The following SPAG16 variants were observed in gnomAD, a reference collection of about 807,000 sequenced individuals.
SPAG16 encodes the protein sperm-associated antigen 16 protein.
In SPAG16, 86 loss-of-function variants were observed where a neutral mutation model predicts 80.4. The observed-to-expected ratio is 1.07, with a 90% CI of 0.90 to 1.28. The LOEUF is 1.28. SPAG16 is among the 50% of genes most tolerant of loss of function. SPAG16 has a pLI of 0.00. For synonymous variants in SPAG16, 294 were observed against 265.9 expected (o/e 1.11, Z -1.03); for missense variants, 870 against 765.3 (o/e 1.14, Z -1.61).
rs149304975 is a variant in SPAG16 at position 213,324,398 on chromosome 2, T to C, written c.536+7042T>C. Among the ~76,000 whole-genome samples the C allele has an allele frequency of 7.1e-3, 1,087 of 152,290 alleles. 14 individuals carry two copies. Among genetic ancestry groups the C allele is most frequent in the South Asian group, 0.031 (151 of 4,828 alleles). The stretch of plus-strand genomic sequence containing the variant: ...TCTCAAGGTAGAACATTTTTATCTA[T>C]CCAGAAGTTTTCCTCATGTCCCTTC... On this transcript the variant is annotated intron_variant, in intron 5 of 15. Coordinates refer to ENST00000331683, the MANE Select transcript of SPAG16 (RefSeq NM_024532.5).
chr2:214,352,707 T>G lies in SPAG16; in HGVS notation c.1721-57433T>G, dbSNP rs545622506. Among the ~76,000 whole-genome samples, 3 of 152,300 alleles carry G rather than the reference T, an allele frequency of 2.0e-5. No individual in the cohort carries two copies. The East Asian group carries it at 5.8e-4, about 29-fold the overall frequency. Reference sequence around the variant, plus strand: ...CATTTAAAGTATACATAAAAAATTCTGGTAAATCTATGTGCTTTGGTCATT... The same window carrying G: ...CATTTAAAGTATACATAAAAAATTCGGGTAAATCTATGTGCTTTGGTCATT... On this transcript the variant is annotated intron_variant, in intron 15 of 15. Transcript: ENST00000331683.
chr2:213,848,869 G>A (rs746511917), intron 10 of SPAG16, among the ~76,000 whole-genome samples: 4 of 152,064 alleles, frequency 2.6e-5, no homozygotes, highest in African/African-American at 7.2e-5. Flanking sequence ...GGCCTATGAC[G>A]CAACTGAAAT....
At chr2:214,346,004 T>C (rs1698023603) in intron 15 of SPAG16, among the ~76,000 whole-genome samples, 1 of 152,234 alleles carries the variant, frequency 6.6e-6, no homozygotes, top group Non-Finnish European at 1.5e-5. Context: ...TTACAAATAA[T>C]GCTGTTGTGA....
In SPAG16 at chr2:214,024,460, A is replaced by G. The variant is rs13393685; in HGVS notation, c.1527+10383A>G. ...CTTAATAATATCTGTAGTGAACACA[A>G]AATAGTTTAAATGATATCTAAAATG... On this transcript the variant is annotated intron_variant, in intron 13 of 15. Transcript: ENST00000331683. Among the ~76,000 whole-genome samples the G allele has an allele frequency of 9.1e-3, 1,386 of 151,762 alleles. 19 individuals carry two copies. The highest frequency in any genetic ancestry group is 0.032 in the African/African-American group (1,328 of 41,516).
At chr2:213,972,167 T>C (rs1486414848) in intron 12 of SPAG16, among the ~76,000 whole-genome samples, 1 of 151,790 alleles carries the variant, frequency 6.6e-6, no homozygotes, top group African/African-American at 2.4e-5. Flanking sequence ...GTTGAGCTAC[T>C]TTTCATATGC....
intron 12 of SPAG16, among the ~76,000 whole-genome samples, chr2:213,949,179 T>TTTTTTTTTTTTTTTTTTTTG (rs1553677674): frequency 2.8e-5 from 1 of 36,242 alleles, no homozygotes; most frequent in Non-Finnish European, 5.5e-5. Context: ...GTTTTTTTTT[T>TTTTTTTTTTTTTTTTTTTTG]TTTTTTTTTT....
At chr2:214,137,871 T>C (rs1248749038) in intron 14 of SPAG16, among the ~76,000 whole-genome samples, 2 of 152,158 alleles carry the variant, frequency 1.3e-5, no homozygotes, top group Non-Finnish European at 1.5e-5. Flanking sequence ...TCTGATTGTA[T>C]TGCAGTTTTA....
At chr2:214,396,507 C>A (rs1467049608) in intron 15 of SPAG16, among the ~76,000 whole-genome samples, 1 of 151,990 alleles carries the variant, frequency 6.6e-6, no homozygotes, top group Non-Finnish European at 1.5e-5. Context: ...ATTTTCCAAG[C>A]ATACATAAAA....
chr2:213,783,143 CTG>C (rs1454010925), intron 10 of SPAG16, among the ~76,000 whole-genome samples: 1 of 144,172 alleles, frequency 6.9e-6, no homozygotes, highest in East Asian at 2.1e-4. Context: ...TGAGAATATG[CTG>C]TGTTTGGTTT....
chr2:214,397,955 T>C (rs1701492326), intron 15 of SPAG16, among the ~76,000 whole-genome samples: 1 of 152,192 alleles, frequency 6.6e-6, no homozygotes, highest in Admixed American at 6.5e-5. Context: ...GGTCAGCACT[T>C]AATCCTGGCC....
rs115717688 is a variant in SPAG16, at chr2:213,911,649, G to T, written c.1215-18311G>T. On this transcript the variant is annotated intron_variant, in intron 11 of 15. Coordinates refer to ENST00000331683, the MANE Select transcript of SPAG16 (RefSeq NM_024532.5). ...GTATATTTTTCATAAACTGCAAAAA[G>T]AATTTTCAGAGGACTTAGTGACAAA... Among the ~76,000 whole-genome samples, 1,367 of 152,136 alleles carry T rather than the reference G, an allele frequency of 9.0e-3. 16 individuals are homozygous for T. The highest frequency in any genetic ancestry group is 0.031 in the African/African-American group (1,272 of 41,490).
At chr2:214,023,731 C>T (rs932826211) in intron 13 of SPAG16, among the ~76,000 whole-genome samples, 2 of 151,678 alleles carry the variant, frequency 1.3e-5, no homozygotes, top group Non-Finnish European at 3.0e-5. Context: ...TCATACTTTC[C>T]ATATAAAACC....
At chr2:213,988,693 C>T (rs938666193) in intron 12 of SPAG16, among the ~76,000 whole-genome samples, 1 of 148,838 alleles carries the variant, frequency 6.7e-6, no homozygotes, top group Non-Finnish European at 1.5e-5. Context: ...AAAAAAAAAA[C>T]ATTCAAAATA....
At chr2:213,786,492 C>T (rs1219489242) in intron 10 of SPAG16, among the ~76,000 whole-genome samples, 1 of 152,106 alleles carries the variant, frequency 6.6e-6, no homozygotes, top group Non-Finnish European at 1.5e-5. Flanking sequence ...AGGTTAAAAA[C>T]ATGGATTTTT....
At chr2:213,702,425 C>A (rs374938982) in intron 10 of SPAG16, among the ~76,000 whole-genome samples, 3 of 152,170 alleles carry the variant, frequency 2.0e-5, no homozygotes, top group South Asian at 2.1e-4. Flanking sequence ...ACACTCACCG[C>A]GAAGGTCTGC....
chr2:213,685,092 A>C (rs533677239), intron 10 of SPAG16, among the ~76,000 whole-genome samples: 66 of 152,324 alleles, frequency 4.3e-4, no homozygotes, highest in African/African-American at 1.5e-3. Flanking sequence ...CCCAGACAGA[A>C]GGGCTGAATA....
rs547609427 is a variant in SPAG16, at chr2:213,731,689, C to A, written c.1071-130796C>A. 9.9e-5 allele frequency among the ~76,000 whole-genome samples: 15 copies of A among 152,230 alleles called. No individual in the cohort carries two copies. In the South Asian group the frequency reaches 3.1e-3, roughly 32 times the overall value. On this transcript the variant is annotated intron_variant, in intron 10 of 15. Coordinates refer to ENST00000331683, the MANE Select transcript of SPAG16 (RefSeq NM_024532.5). Reference sequence around the variant, plus strand: ...GTGTGTGTTGTTCTCCACAATGTATCCATGTGTTCTCATAATTTAGTTACC... The same window carrying A: ...GTGTGTGTTGTTCTCCACAATGTATACATGTGTTCTCATAATTTAGTTACC...
chr2:214,219,743 CTCTGTGTCTGTGTGTGTCTT>C (rs1381625869), intron 15 of SPAG16, among the ~76,000 whole-genome samples: 4 of 152,182 alleles, frequency 2.6e-5, no homozygotes, highest in African/African-American at 9.6e-5. Flanking sequence ...CTTCTAGTTT[CTCTGTGTCTGTGTGTGTCTT>C]TACTGTAACT....
At chr2:213,653,674 A>C (rs917214982) in intron 10 of SPAG16, among the ~76,000 whole-genome samples, 1 of 152,216 alleles carries the variant, frequency 6.6e-6, no homozygotes, top group Non-Finnish European at 1.5e-5. Context: ...ATCTCTCAAA[A>C]TTGTATAAAA....
Sources: allele counts gnomAD v4.1 joint callset (sites outside exome capture counted in the v4.1 genomes callset), GRCh38; gene constraint gnomAD v4.1.1; transcripts MANE v1.5; gene names NCBI Gene and HGNC (gene_info 2026-07-23, HGNC 2026-07-21).